Variants in SPOCK3 observed in about 807,000 individuals in gnomAD.
SPOCK3 encodes SPARC (osteonectin), cwcv and kazal like domains proteoglycan 3.
In SPOCK3, 30 loss-of-function variants were observed where a neutral mutation model predicts 56.6. The observed-to-expected ratio is 0.53, with a 90% CI of 0.40 to 0.72. The LOEUF is 0.72. Ranked by LOEUF, SPOCK3 falls within the 30% of genes least tolerant of loss-of-function variation. The probability of loss-of-function intolerance (pLI) is 0.00; values close to 1 mark genes in which losing one functional copy is unlikely to be tolerated. For synonymous variants in SPOCK3, 196 were observed against 183.3 expected (o/e 1.07, Z -0.56); for missense variants, 527 against 530.0 (o/e 0.99, Z 0.06).
chr4:166,912,643 C>G lies in SPOCK3; in HGVS notation c.451G>C (p.Asp151His). 6.2e-7 allele frequency: 1 copy of G among 1,613,736 alleles called. No homozygotes were observed. The highest frequency in any genetic ancestry group is 8.5e-7 in the Non-Finnish European group (1 of 1,179,784). The change falls in exon 5 of 11, where the codon GAT (aspartate) becomes CAT (histidine). Residue 151 changes from aspartate to histidine, a missense_variant. By Grantham distance (81) the Asp-to-His change is moderately conservative (BLOSUM62 -1). Coordinates refer to ENST00000357545, the MANE Select transcript of SPOCK3 (RefSeq NM_001040159.2). ...ACCTGAAAAGAGTAGGTATGACCAT[C>G]TGAACCACAAACAGGGCTGGGATAG... is the stretch of plus-strand genomic sequence containing the variant. Reference protein sequence around the residue: ...VVYPSPVCGSDGHTYSFQCKL... With the variant: ...VVYPSPVCGSHGHTYSFQCKL...
intron 4 of SPOCK3, among the ~76,000 whole-genome samples, chr4:166,923,056 A>T (rs1443244254): frequency 6.6e-6 from 1 of 152,224 alleles, no homozygotes; most frequent in Non-Finnish European, 1.5e-5. Context: ...TCTTGACTGA[A>T]ATCAAGGTGT....
intron 4 of SPOCK3, among the ~76,000 whole-genome samples, chr4:166,961,811 C>T (rs182454505): frequency 1.3e-5 from 2 of 152,206 alleles, no homozygotes; most frequent in East Asian, 1.9e-4. Context: ...TGGAGGAAGA[C>T]CAGTTGTTCA....
At chr4:166,871,195 G>A (rs1336825317) in intron 6 of SPOCK3, among the ~76,000 whole-genome samples, 1 of 151,654 alleles carries the variant, frequency 6.6e-6, no homozygotes, top group African/African-American at 2.4e-5. Flanking sequence ...GTAAAAGGAA[G>A]AAAATGATAA....
intron 2 of SPOCK3, among the ~76,000 whole-genome samples, chr4:167,072,555 C>A (rs188784660): frequency 4.6e-4 from 70 of 151,982 alleles, no homozygotes; most frequent in African/African-American, 1.5e-3. Flanking sequence ...AACAATAAAT[C>A]TTTTGTTGAG....
chr4:167,095,018 C>T (rs150468882), intron 2 of SPOCK3, among the ~76,000 whole-genome samples: 54 of 152,092 alleles, frequency 3.6e-4, no homozygotes, highest in Admixed American at 1.2e-3. Context: ...ACTCTCAGCT[C>T]GAAGACAGTC....
chr4:166,904,011 T>A (rs1736343453), intron 5 of SPOCK3, among the ~76,000 whole-genome samples: 1 of 152,050 alleles, frequency 6.6e-6, no homozygotes, highest in African/African-American at 2.4e-5. Flanking sequence ...AAAATAATTG[T>A]CATATTAATT....
intron 6 of SPOCK3, among the ~76,000 whole-genome samples, chr4:166,841,494 G>A (rs189554596): frequency 6.6e-6 from 1 of 152,118 alleles, no homozygotes; most frequent in East Asian, 1.9e-4. Context: ...TAAAAAATAA[G>A]GAATCATTCT....
chr4:166,919,775 A>T (rs1287577744), intron 4 of SPOCK3, among the ~76,000 whole-genome samples: 2 of 152,228 alleles, frequency 1.3e-5, no homozygotes, highest in Admixed American at 1.3e-4. Flanking sequence ...CAACAGATTA[A>T]GAATTTATAA....
At chr4:167,111,363 CT>C (rs1016069976) in intron 2 of SPOCK3, among the ~76,000 whole-genome samples, 6 of 151,208 alleles carry the variant, frequency 4.0e-5, no homozygotes, top group East Asian at 1.9e-4. Context: ...ACAGTGATCA[CT>C]TTTTTTTTCA....
At chr4:166,851,742 T>C (rs1307349655) in intron 6 of SPOCK3, among the ~76,000 whole-genome samples, 1 of 151,908 alleles carries the variant, frequency 6.6e-6, no homozygotes, top group African/African-American at 2.4e-5. Flanking sequence ...AGTGTGGCGA[T>C]TCCTCAGGGA....
chr4:167,075,493 T>C (rs1757103133), intron 2 of SPOCK3, among the ~76,000 whole-genome samples: 1 of 151,940 alleles, frequency 6.6e-6, no homozygotes, highest in South Asian at 2.1e-4. Context: ...TTGCAATTTC[T>C]GATAAAAATC....
At chr4:166,879,161 A>C (rs1733430855) in intron 6 of SPOCK3, among the ~76,000 whole-genome samples, 1 of 152,112 alleles carries the variant, frequency 6.6e-6, no homozygotes, top group Non-Finnish European at 1.5e-5. Flanking sequence ...TCTGGCAACT[A>C]TTTTAAATTA....
chr4:167,204,913 A>G (rs1733882129), intron 2 of SPOCK3, among the ~76,000 whole-genome samples: 1 of 146,578 alleles, frequency 6.8e-6, no homozygotes, highest in Non-Finnish European at 1.5e-5. Context: ...GCACCTTTCG[A>G]CTCCTGGGAT....
At chr4:166,884,446 T>A (rs1733992736) in intron 6 of SPOCK3, among the ~76,000 whole-genome samples, 1 of 152,038 alleles carries the variant, frequency 6.6e-6, no homozygotes. Flanking sequence ...AAGCTCTCAA[T>A]GTACAAATAT....
At chr4:166,770,000 T>A (rs11131774) in intron 7 of SPOCK3, among the ~76,000 whole-genome samples, 2 of 151,948 alleles carry the variant, frequency 1.3e-5, no homozygotes, top group Admixed American at 1.3e-4. Flanking sequence ...GCACGGGATA[T>A]AATCTCCTGG....
chr4:166,955,917 C>A (rs1743408158), intron 4 of SPOCK3, among the ~76,000 whole-genome samples: 1 of 151,826 alleles, frequency 6.6e-6, no homozygotes. Flanking sequence ...CTCACATCAT[C>A]AAATTTCACC....
intron 6 of SPOCK3, among the ~76,000 whole-genome samples, chr4:166,854,592 A>G (rs1314872591): frequency 2.0e-5 from 3 of 152,208 alleles, no homozygotes. Flanking sequence ...AATGTATGCT[A>G]TTTTTATATA....
intron 2 of SPOCK3, among the ~76,000 whole-genome samples, chr4:167,131,697 C>T (rs1307681810): frequency 1.3e-5 from 2 of 152,110 alleles, no homozygotes; most frequent in Non-Finnish European, 2.9e-5. Flanking sequence ...AACTGTAGAC[C>T]ATTCTGTTTT....
intron 2 of SPOCK3, among the ~76,000 whole-genome samples, chr4:167,116,932 T>C (rs1407404890): frequency 2.8e-5 from 4 of 144,784 alleles, no homozygotes; most frequent in East Asian, 2.0e-4. Context: ...TATATATATA[T>C]ACTTTTGTGT....
Sources: gnomAD v4.1 joint callset for allele counts (sites outside exome capture counted in the v4.1 genomes callset) on GRCh38, gnomAD v4.1.1 for gene constraint, MANE v1.5 for transcripts, NCBI Gene and HGNC (gene_info 2026-07-23, HGNC 2026-07-21) for gene names.